The following ARHGEF7 variants were observed in gnomAD, a reference collection of about 807,000 sequenced individuals.
ARHGEF7 encodes Rho guanine nucleotide exchange factor 7.
A neutral mutation model predicts 109.8 loss-of-function variants in ARHGEF7; 33 were observed. The observed-to-expected ratio is 0.30, with a 90% CI of 0.23 to 0.40. The LOEUF (loss-of-function observed/expected upper bound fraction) is 0.40, where lower values mean the gene tolerates loss of function less well. Among genes scored for constraint, ARHGEF7 ranks in the 10% least tolerant of loss-of-function variants. ARHGEF7 has a pLI of 1.00. For synonymous variants in ARHGEF7, 458 were observed against 424.6 expected (o/e 1.08, Z -0.97); for missense variants, 938 against 1,098.5 (o/e 0.85, Z 2.07).
rs1321146426 is a variant in ARHGEF7 at position 111,255,533 on chromosome 13, C to T, written c.950+11239C>T. Among the ~76,000 whole-genome samples the T allele has an allele frequency of 1.3e-5, 2 of 152,226 alleles. No homozygotes were observed. The highest frequency in any genetic ancestry group is 2.9e-5 in the Non-Finnish European group (2 of 68,046). On this transcript the variant is annotated intron_variant, in intron 8 of 21. Coordinates refer to ENST00000646102, the MANE Select transcript of ARHGEF7 (RefSeq NM_001354046.2). The surrounding 1 kb of genome is among the most constrained non-coding windows in gnomAD (Gnocchi z 4.1). The stretch of plus-strand genomic sequence containing the variant: ...AAATGCTCGGGGCCCTACTTGGCGT[C>T]TGGAGCTGAGTTCTCCTGCAGCCTC...
intron 2 of ARHGEF7, among the ~76,000 whole-genome samples, chr13:111,199,297 T>G (rs1372647675): frequency 3.9e-5 from 6 of 152,230 alleles, no homozygotes; most frequent in Admixed American, 3.9e-4. Context: ...CATAGTGTAC[T>G]GAATGTGAAA....
At chr13:111,296,063 A>T (rs1334209567) in intron 19 of ARHGEF7, among the ~76,000 whole-genome samples, 1 of 152,202 alleles carries the variant, frequency 6.6e-6, no homozygotes, top group Non-Finnish European at 1.5e-5. Flanking sequence ...GTCGTCAGAT[A>T]AGGCCCCAGA....
intron 1 of ARHGEF7, among the ~76,000 whole-genome samples, chr13:111,139,517 C>A (rs143253923): frequency 2.1e-3 from 305 of 147,996 alleles, no homozygotes; most frequent in African/African-American, 7.0e-3. Flanking sequence ...TGAAAGCCAC[C>A]CTGTGAAACC....
intron 5 of ARHGEF7, among the ~76,000 whole-genome samples, chr13:111,221,150 GAT>G (rs1192814884): frequency 2.3e-5 from 2 of 87,574 alleles, no homozygotes; most frequent in African/African-American, 9.3e-5. Flanking sequence ...TATATATATA[GAT>G]ATATATGTCT....
intron 1 of ARHGEF7, among the ~76,000 whole-genome samples, chr13:111,120,362 TACAC>T (rs1473028392): frequency 1.3e-5 from 2 of 152,154 alleles, no homozygotes; most frequent in African/African-American, 4.8e-5. Context: ...CACACAAGCA[TACAC>T]ACACGCATAC....
chr13:111,293,265 A>G lies in ARHGEF7; in HGVS notation c.2311+971A>G. On this transcript the variant is annotated intron_variant, in intron 19 of 21. Transcript: ENST00000646102. The stretch of plus-strand genomic sequence containing the variant: ...GTTCCCCCGGCTCCCCACCCCTGAC[A>G]TCCATACTTATGTTGTCTGGAAGAG... 3.0e-6 allele frequency: 3 copies of G among 985,356 alleles called. No individual in the cohort carries two copies. In the South Asian group the frequency reaches 1.4e-4, roughly 46 times the overall value. 61.0% of individuals were successfully genotyped at this position (985,356 alleles called of 1,614,324 possible).
chr13:111,226,953 G>GGAT (rs2085292143), intron 5 of ARHGEF7, among the ~76,000 whole-genome samples: 1 of 152,134 alleles, frequency 6.6e-6, no homozygotes, highest in African/African-American at 2.4e-5. Flanking sequence ...TAACCCTGAT[G>GGAT]GATGACCTTA....
intron 18 of ARHGEF7, among the ~76,000 whole-genome samples, chr13:111,291,879 TTTAA>T (rs2093297881): frequency 6.6e-6 from 1 of 152,210 alleles, no homozygotes; most frequent in South Asian, 2.1e-4. Flanking sequence ...GTATATTAGG[TTTAA>T]TTAGATAATA....
At chr13:111,241,131 C>T in intron 6 of ARHGEF7, 1 of 1,525,040 alleles carries the variant, frequency 6.6e-7, no homozygotes, top group Admixed American at 2.0e-5. Context: ...CCTCGTGACC[C>T]CCGGGAAGCT....
intron 2 of ARHGEF7, among the ~76,000 whole-genome samples, chr13:111,192,191 CT>C (rs1044473407): frequency 6.6e-6 from 1 of 152,128 alleles, no homozygotes; most frequent in Non-Finnish European, 1.5e-5. Flanking sequence ...CTGCAGGTTT[CT>C]CAGCGGGTGT....
rs1311181656 is a variant in ARHGEF7, at chr13:111,304,816, G to C, written c.*1703G>C. The C allele has an allele frequency of 6.6e-6, 1 of 152,260 alleles. No homozygotes were observed. The highest frequency in any genetic ancestry group is 1.9e-4 in the East Asian group (1 of 5,192). The allele number at this position is 152,260 out of a possible 1,614,324, so 9.4% of individuals were successfully genotyped here. ...AATTGCCAGCTTCCTCAACTTAGCA[G>C]ATCATTCACTCATGCGGGCACAAGC... On this transcript the variant is annotated 3_prime_UTR_variant, in exon 22 of 22. Transcript: ENST00000646102.
chr13:111,303,190 C>A lies in ARHGEF7; in HGVS notation c.*77C>A. 5 of 1,164,002 alleles carry A rather than the reference C, an allele frequency of 4.3e-6. No homozygotes were observed. The highest frequency in any genetic ancestry group is 5.9e-6 in the Non-Finnish European group (5 of 847,810). The allele number at this position is 1,164,002 out of a possible 1,614,324, so 72.1% of individuals were successfully genotyped here. The stretch of plus-strand genomic sequence containing the variant: ...CACCCCTGACCCAAGTCGGGGTGCA[C>A]TCAGGACCACAGGGCAGGGCTGGGT... On this transcript the variant is annotated 3_prime_UTR_variant, in exon 22 of 22. Transcript: ENST00000646102.
intron 5 of ARHGEF7, among the ~76,000 whole-genome samples, chr13:111,230,450 G>A (rs913237423): frequency 1.3e-5 from 2 of 152,130 alleles, no homozygotes; most frequent in African/African-American, 2.4e-5. Context: ...AGGCTTCCTA[G>A]GCTGCCCGGG....
Position 111,255,193 on chromosome 13 carries a change from C to T in ARHGEF7, c.950+10899C>T, listed in dbSNP as rs9560021. Among the ~76,000 whole-genome samples the T allele has an allele frequency of 1.8e-4, 26 of 140,984 alleles. 1 individual carries two copies. The highest frequency in any genetic ancestry group is 5.2e-4 in the Admixed American group (6 of 11,470). The allele number at this position is 140,984 out of a possible 152,430, so 92.5% of individuals were successfully genotyped here. On this transcript the variant is annotated intron_variant, in intron 8 of 21. Transcript: ENST00000646102. This position sits in a 1 kb window ranked among gnomAD's most constrained non-coding sequence, Gnocchi z 4.1. ...GGCGCTGAGTCGCTAACGTGAAGGC[C>T]GGGCTCAGAAGAGGATTCGGGCTAA...
At chr13:111,176,982 C>G (rs2078228434) in intron 2 of ARHGEF7, among the ~76,000 whole-genome samples, 1 of 152,238 alleles carries the variant, frequency 6.6e-6, no homozygotes, top group African/African-American at 2.4e-5. Flanking sequence ...TTCTTGAACT[C>G]CTGACCACAG....
rs1051003419 is a variant in ARHGEF7 at position 111,275,810 on chromosome 13, T to G, written c.1419+132T>G. ...TCTATCTTATAATTTGTGAGCTACT[T>G]TTTATTCTTGACACAGGAGAGAGGC... On this transcript the variant is annotated intron_variant, in intron 12 of 21. Transcript: ENST00000646102. 5 of 1,182,616 alleles carry G rather than the reference T, an allele frequency of 4.2e-6. No individual in the cohort carries two copies. The African/African-American group carries it at 7.6e-5, about 18-fold the overall frequency. 73.3% of individuals were successfully genotyped at this position (1,182,616 alleles called of 1,614,324 possible).
At chr13:111,154,419 G>A (rs1203305906) in intron 2 of ARHGEF7, among the ~76,000 whole-genome samples, 1 of 152,178 alleles carries the variant, frequency 6.6e-6, no homozygotes, top group African/African-American at 2.4e-5. Context: ...ATCCTCAGCA[G>A]GTGATCAGGC....
chr13:111,241,390 G>C, intron 6 of ARHGEF7: 1 of 1,528,444 alleles, frequency 6.5e-7, no homozygotes, highest in Non-Finnish European at 8.8e-7. Context: ...CAACCTCCTG[G>C]CAGAGGGAGT....
Position 111,228,526 on chromosome 13 carries a change from G to A in ARHGEF7, c.671-4679G>A, listed in dbSNP as rs190949952. Among the ~76,000 whole-genome samples the A allele has an allele frequency of 1.5e-3, 227 of 152,288 alleles. No individual in the cohort carries two copies. The highest frequency in any genetic ancestry group is 1.9e-3 in the Non-Finnish European group (130 of 68,022). On this transcript the variant is annotated intron_variant, in intron 5 of 21. Transcript: ENST00000646102. This position sits in a 1 kb window ranked among gnomAD's most constrained non-coding sequence, Gnocchi z 4.6. Reference sequence around the variant, plus strand: ...TGCTAACACTGTTAAGAGTCTATACGTGGTCATTCTCTGTATGTTTATGTA... The same window carrying A: ...TGCTAACACTGTTAAGAGTCTATACATGGTCATTCTCTGTATGTTTATGTA...
Sources: gnomAD v4.1 joint callset for allele counts (sites outside exome capture counted in the v4.1 genomes callset) on GRCh38, gnomAD v4.1.1 for gene constraint, Gnocchi (gnomAD v3.1) non-coding constraint, MANE v1.5 for transcripts, NCBI Gene and HGNC (gene_info 2026-07-23, HGNC 2026-07-21) for gene names.